PPARD: variants seen among roughly 807,000 people sequenced by gnomAD.
The protein encoded by PPARD is peroxisome proliferator-activated receptor delta.
Under a neutral mutation model 39.5 loss-of-function variants are expected in PPARD, and 6 were observed. The ratio of observed to expected loss-of-function variants is 0.15; its 90% CI spans 0.08 to 0.30. The LOEUF (loss-of-function observed/expected upper bound fraction) is 0.30. Among genes scored for constraint, PPARD ranks in the 10% least tolerant of loss-of-function variants. PPARD has a pLI of 1.00. For synonymous variants in PPARD, 210 were observed against 231.3 expected (o/e 0.91, Z 0.83); for missense variants, 397 against 596.8 (o/e 0.67, Z 3.49).
chr6:35,426,179 G>T lies in PPARD; in HGVS notation c.*100G>T. On this transcript the variant is annotated 3_prime_UTR_variant, in exon 8 of 8. Coordinates refer to ENST00000360694, the MANE Select transcript of PPARD (RefSeq NM_006238.5). ...TGACCAGCCCTTGAGCACCCGGCCTGGAGCAGCAGAGTCCCACGATCGCCC... is the reference window on the plus strand; with the variant it reads ...TGACCAGCCCTTGAGCACCCGGCCTTGAGCAGCAGAGTCCCACGATCGCCC... 1 of 1,485,200 alleles carries T rather than the reference G, an allele frequency of 6.7e-7. No homozygotes were observed. Among genetic ancestry groups the T allele is most frequent in the African/African-American group, 1.4e-5 (1 of 72,002 alleles). The allele number at this position is 1,485,200 out of a possible 1,614,324, so 92.0% of individuals were successfully genotyped here.
At chr6:35,396,239 C>T (rs1284866264) in intron 2 of PPARD, among the ~76,000 whole-genome samples, 1 of 151,104 alleles carries the variant, frequency 6.6e-6, no homozygotes, top group African/African-American at 2.4e-5. Context: ...GAGTCTCGCT[C>T]TGTCGCCCAG....
intron 2 of PPARD, among the ~76,000 whole-genome samples, chr6:35,355,452 T>C (rs1761519340): frequency 1.4e-5 from 2 of 147,946 alleles, no homozygotes; most frequent in South Asian, 4.2e-4. Flanking sequence ...CTTGGGGGGC[T>C]GAGGTAGGAG....
chr6:35,362,021 G>A (rs1761948826), intron 2 of PPARD, among the ~76,000 whole-genome samples: 2 of 152,268 alleles, frequency 1.3e-5, no homozygotes, highest in South Asian at 4.1e-4. Flanking sequence ...ATTCGTTATA[G>A]ATGATTAGAA....
At position 35,424,451 on chromosome 6, in the gene PPARD, G is replaced by A. The variant is rs1766433822; in HGVS notation, c.750G>A (p.Gln250=). Residue 250 remains glutamine, a synonymous_variant, in exon 7 of 8, where the codon CAG becomes CAA. Coordinates refer to ENST00000360694, the MANE Select transcript of PPARD (RefSeq NM_006238.5). This position sits in a 1 kb window ranked among gnomAD's most constrained non-coding sequence, Gnocchi z 7.1. ...EISVHVFYRC[Q]CTTVETVREL... ...GCGTGCACGTCTTCTACCGCTGCCA[G>A]TGCACCACAGTGGAGACCGTGCGGG... 6.2e-7 allele frequency: 1 copy of A among 1,614,202 alleles called. No individual in the cohort carries two copies. Among genetic ancestry groups the A allele is most frequent in the Admixed American group, 1.7e-5 (1 of 60,024 alleles).
At position 35,414,240 on chromosome 6, in the gene PPARD, C is replaced by T. The variant is rs547074477; in HGVS notation, c.130+3023C>T. Among the ~76,000 whole-genome samples, 6 of 152,110 alleles carry T rather than the reference C, an allele frequency of 3.9e-5. No homozygotes were observed. The East Asian group carries it at 5.8e-4, about 15-fold the overall frequency. The stretch of plus-strand genomic sequence containing the variant: ...ATAAGTTCCTGACAAGTTGGGGATC[C>T]CATTGTTTAAAATCCTTATGTTTCA... On this transcript the variant is annotated intron_variant, in intron 3 of 7. Transcript: ENST00000360694.
chr6:35,367,096 A>C (rs1486494406), intron 2 of PPARD, among the ~76,000 whole-genome samples: 2 of 152,104 alleles, frequency 1.3e-5, no homozygotes, highest in Non-Finnish European at 2.9e-5. Context: ...CTGGATGCTA[A>C]AAGGAAATGG....
chr6:35,360,110 A>C (rs1761849559), intron 2 of PPARD, among the ~76,000 whole-genome samples: 1 of 152,172 alleles, frequency 6.6e-6, no homozygotes, highest in South Asian at 2.1e-4. Flanking sequence ...ATTCCAGGTC[A>C]GTGGACAGAG....
At chr6:35,384,066 C>T (rs1276389128) in intron 2 of PPARD, among the ~76,000 whole-genome samples, 8 of 147,474 alleles carry the variant, frequency 5.4e-5, no homozygotes, top group African/African-American at 1.8e-4. Flanking sequence ...CCAGGCCAGC[C>T]GCCCCGTCCG....
At chr6:35,393,279 AG>A (rs1200490635) in intron 2 of PPARD, among the ~76,000 whole-genome samples, 1 of 152,180 alleles carries the variant, frequency 6.6e-6, no homozygotes, top group Admixed American at 6.5e-5. Flanking sequence ...GAAAGGAAAC[AG>A]GGTTTATAGA....
intron 3 of PPARD, among the ~76,000 whole-genome samples, chr6:35,419,736 GA>G (rs1334079233): frequency 6.6e-6 from 1 of 152,152 alleles, no homozygotes; most frequent in Non-Finnish European, 1.5e-5. Flanking sequence ...TCTGAACCAG[GA>G]GAGCTGCTTC....
chr6:35,380,456 C>T (rs367598817), intron 2 of PPARD, among the ~76,000 whole-genome samples: 12 of 82,394 alleles, frequency 1.5e-4, no homozygotes, highest in African/African-American at 5.8e-4. Flanking sequence ...CAATTAACCT[C>T]GTGTTTTTTT....
intron 2 of PPARD, among the ~76,000 whole-genome samples, chr6:35,359,630 C>T (rs1353587021): frequency 2.0e-5 from 3 of 152,272 alleles, no homozygotes; most frequent in African/African-American, 7.2e-5. Context: ...AGTGGGACTC[C>T]CACAGCTGAC....
intron 2 of PPARD, among the ~76,000 whole-genome samples, chr6:35,387,883 G>A (rs773576070): frequency 1.1e-4 from 16 of 151,636 alleles, no homozygotes; most frequent in Admixed American, 9.2e-4. Flanking sequence ...CACCACGCCT[G>A]GCTCATTTTT....
At chr6:35,420,819 C>CTTTTTTTTTTTTTTTTTTT (rs35852986) in intron 4 of PPARD, among the ~76,000 whole-genome samples, 2 of 85,708 alleles carry the variant, frequency 2.3e-5, no homozygotes, top group African/African-American at 4.2e-5. Context: ...AACAAAGAAG[C>CTTTTTTTTTTTTTTTTTTT]TTTTTTTTTT....
intron 2 of PPARD, among the ~76,000 whole-genome samples, chr6:35,380,472 G>GTTTTTTTTT (rs1763082033): frequency 3.2e-5 from 1 of 31,322 alleles, no homozygotes; most frequent in African/African-American, 7.1e-5. Context: ...TTTTTTTTTT[G>GTTTTTTTTT]TTTGTTTTTT....
At position 35,366,959 on chromosome 6, in the gene PPARD, C is replaced by T. The variant is rs1049409356; in HGVS notation, c.-102+19809C>T. The stretch of plus-strand genomic sequence containing the variant: ...TGCGTATGGCCAGACTTATGACTTG[C>T]GTATGGTCATAAAGGTAGTAAGTTG... On this transcript the variant is annotated intron_variant, in intron 2 of 7. Transcript: ENST00000360694. The surrounding 1 kb of genome is among the most constrained non-coding windows in gnomAD (Gnocchi z 4.6). Among the ~76,000 whole-genome samples the T allele has an allele frequency of 2.0e-5, 3 of 152,218 alleles. No homozygotes were observed. Among genetic ancestry groups the T allele is most frequent in the African/African-American group, 7.2e-5 (3 of 41,440 alleles).
chr6:35,379,334 C>T (rs1763002689), intron 2 of PPARD, among the ~76,000 whole-genome samples: 1 of 152,094 alleles, frequency 6.6e-6, no homozygotes. Context: ...GAACTCCTGA[C>T]CTTGTGGTCT....
chr6:35,359,030 C>T (rs1408272965), intron 2 of PPARD, among the ~76,000 whole-genome samples: 1 of 152,050 alleles, frequency 6.6e-6, no homozygotes, highest in Non-Finnish European at 1.5e-5. Context: ...GGTCTCACCA[C>T]GAAGGTGACA....
chr6:35,361,695 GC>G (rs1437347169), intron 2 of PPARD, among the ~76,000 whole-genome samples: 1 of 152,180 alleles, frequency 6.6e-6, no homozygotes, highest in Non-Finnish European at 1.5e-5. Context: ...GGGCAGTGCA[GC>G]GAGGAATCTT....
Sources: gnomAD v4.1 joint callset for allele counts (sites outside exome capture counted in the v4.1 genomes callset) on GRCh38, gnomAD v4.1.1 for gene constraint, Gnocchi (gnomAD v3.1) non-coding constraint, MANE v1.5 for transcripts, NCBI Gene and HGNC (gene_info 2026-07-23, HGNC 2026-07-21) for gene names.